UBE3C: variants seen among roughly 807,000 people sequenced by gnomAD.
UBE3C encodes the protein ubiquitin-protein ligase E3C.
In UBE3C, 42 loss-of-function variants were observed where a neutral mutation model predicts 129.4. The ratio of observed to expected loss-of-function variants is 0.32; its 90% CI spans 0.25 to 0.42. The LOEUF is 0.42. Among genes scored for constraint, UBE3C ranks in the 10% least tolerant of loss-of-function variants. The pLI is 1.00. For missense variants in UBE3C, 1,049 were observed against 1,319.1 expected (o/e 0.80, Z 3.17); for synonymous variants, 510 against 492.4 (o/e 1.04, Z -0.47).
At chr7:157,184,718 T>C (rs1387117050) in intron 9 of UBE3C, among the ~76,000 whole-genome samples, 1 of 152,104 alleles carries the variant, frequency 6.6e-6, no homozygotes, top group East Asian at 1.9e-4. Flanking sequence ...GTGAAGTAAA[T>C]TTTTAGAATA....
intron 18 of UBE3C, among the ~76,000 whole-genome samples, chr7:157,237,563 G>A (rs1279083784): frequency 1.3e-5 from 2 of 151,972 alleles, no homozygotes; most frequent in African/African-American, 2.4e-5. Context: ...TTCTCATCAC[G>A]CCCAAGCAAT....
chr7:157,177,703 T>G (rs1320106180), intron 5 of UBE3C, among the ~76,000 whole-genome samples: 1 of 152,174 alleles, frequency 6.6e-6, no homozygotes. Flanking sequence ...GCCTGCCCGC[T>G]GGGTCCTCAC....
chr7:157,139,618 T>G (rs560480159), intron 1 of UBE3C, among the ~76,000 whole-genome samples: 1 of 152,242 alleles, frequency 6.6e-6, no homozygotes, highest in South Asian at 2.1e-4. Flanking sequence ...GCCGCGCCCG[T>G]GGGGGCCTTG....
At chr7:157,199,981 G>A (rs994975702) in intron 10 of UBE3C, among the ~76,000 whole-genome samples, 25 of 152,106 alleles carry the variant, frequency 1.6e-4, no homozygotes, top group African/African-American at 5.3e-4. Flanking sequence ...TGCTCTTACT[G>A]GAATGAATGC....
intron 19 of UBE3C, among the ~76,000 whole-genome samples, chr7:157,252,311 A>T (rs1796639783): frequency 6.6e-6 from 1 of 152,212 alleles, no homozygotes; most frequent in Admixed American, 6.5e-5. Context: ...GGTATTTTAT[A>T]CATTGAAATA....
chr7:157,198,542 T>TTATTTTTTTC (rs1809188436), intron 10 of UBE3C: 1 of 316,240 alleles, frequency 3.2e-6, no homozygotes, highest in Non-Finnish European at 6.0e-6. Flanking sequence ...CTTTTTTTTT[T>TTATTTTTTTC]TATTTTTTTC....
chr7:157,266,303 G>A (rs1267431755), intron 22 of UBE3C, among the ~76,000 whole-genome samples: 1 of 151,956 alleles, frequency 6.6e-6, no homozygotes. Context: ...GACAGAGCAA[G>A]ACTCCGTCTC....
intron 11 of UBE3C, 33 bp from the exon 12 acceptor site, chr7:157,207,365 G>A (rs1359882968): frequency 6.3e-7 from 1 of 1,587,666 alleles, no homozygotes; most frequent in African/African-American, 1.4e-5. Flanking sequence ...ATTTTAAAGT[G>A]ACTGGTTTTT....
chr7:157,190,356 CA>C lies in UBE3C; in HGVS notation c.1331+3336del, dbSNP rs142983545. ...TCCCTGTTTTGGTGAACAGGCCCGT[CA>C]TCTACTTGGTTGTCTGTACCTGCAG... On this transcript the variant is annotated intron_variant, in intron 10 of 22. Transcript: ENST00000348165. Among the ~76,000 whole-genome samples the C allele has an allele frequency of 6.2e-3, 940 of 152,178 alleles. 12 individuals are homozygous for C. The highest frequency in any genetic ancestry group is 0.021 in the African/African-American group (855 of 41,506).
At chr7:157,258,765 A>G (rs987693877) in intron 22 of UBE3C, among the ~76,000 whole-genome samples, 6 of 152,306 alleles carry the variant, frequency 3.9e-5, no homozygotes, top group Non-Finnish European at 8.8e-5. Context: ...CGGCCCCCCA[A>G]GTATTTTTTT....
chr7:157,231,858 G>A (rs953963313), intron 18 of UBE3C: 2 of 153,640 alleles, frequency 1.3e-5, no homozygotes, highest in African/African-American at 4.8e-5. Flanking sequence ...AAGACAGTAA[G>A]TTACTGCCTA....
intron 10 of UBE3C, among the ~76,000 whole-genome samples, chr7:157,194,584 C>T (rs550031221): frequency 2.0e-5 from 3 of 152,150 alleles, no homozygotes; most frequent in Non-Finnish European, 4.4e-5. Context: ...GCCAAATTGC[C>T]TTAAACAGAC....
rs979230862 is a variant in UBE3C, at chr7:157,256,835, GT to G, written c.2951-78del. 432 of 1,552,692 alleles carry G rather than the reference GT, an allele frequency of 2.8e-4. 3 individuals are homozygous for G. Among genetic ancestry groups the G allele is most frequent in the Admixed American group, 1.0e-3 (50 of 49,260 alleles). ...GATCCATGGACTTTAGTTTCCGTGGGTGTCTGGACCAATCCCTGTGGGTCCT... is the reference window on the plus strand; with the variant it reads ...GATCCATGGACTTTAGTTTCCGTGGGGTCTGGACCAATCCCTGTGGGTCCT... On this transcript the variant is annotated intron_variant, in intron 21 of 22. Coordinates refer to ENST00000348165, the MANE Select transcript of UBE3C (RefSeq NM_014671.3).
Position 157,256,918 on chromosome 7 carries a change from C to A in UBE3C, c.2955C>A (p.Gly985=). The A allele has an allele frequency of 6.2e-7, 1 of 1,613,930 alleles. No homozygotes were observed. The highest frequency in any genetic ancestry group is 8.5e-7 in the Non-Finnish European group (1 of 1,179,946). The change falls in exon 22 of 23, where the codon GGC becomes GGA. Residue 985 remains glycine (G), a synonymous_variant. Transcript: ENST00000348165. ...DLKSFTNYSG[G]YSADHPVIKV... ...CATGTGTTCATTTTGCCATAGGAGG[C>A]TATTCTGCAGACCATCCTGTTATTA...
intron 10 of UBE3C, among the ~76,000 whole-genome samples, chr7:157,200,798 T>C (rs1214047088): frequency 6.6e-6 from 1 of 152,044 alleles, no homozygotes; most frequent in East Asian, 1.9e-4. Context: ...CAACTTTTCA[T>C]AGAGATGAGG....
At chr7:157,200,971 T>C (rs1414120957) in intron 10 of UBE3C, among the ~76,000 whole-genome samples, 2 of 152,148 alleles carry the variant, frequency 1.3e-5, no homozygotes, top group Non-Finnish European at 2.9e-5. Context: ...TAACAGCACA[T>C]TTTTTGTATT....
chr7:157,179,248 T>C (rs1808606521), intron 6 of UBE3C, among the ~76,000 whole-genome samples: 1 of 151,916 alleles, frequency 6.6e-6, no homozygotes, highest in African/African-American at 2.4e-5. Flanking sequence ...AATGTATGAG[T>C]TGAACATCAC....
chr7:157,265,753 T>C (rs1797060127), intron 22 of UBE3C, among the ~76,000 whole-genome samples: 1 of 152,218 alleles, frequency 6.6e-6, no homozygotes, highest in African/African-American at 2.4e-5. Flanking sequence ...GTGCATTTCA[T>C]CTCTGGGAGC....
At chr7:157,163,985 G>C in intron 2 of UBE3C, 122 bp downstream of exon 2, 1 of 893,960 alleles carries the variant, frequency 1.1e-6, no homozygotes, top group Non-Finnish European at 1.7e-6. Flanking sequence ...GAATGTGTGT[G>C]TATGTGTGTT....
Sources: gnomAD v4.1 joint callset for allele counts (sites outside exome capture counted in the v4.1 genomes callset) on GRCh38, gnomAD v4.1.1 for gene constraint, MANE v1.5 for transcripts, NCBI Gene and HGNC (gene_info 2026-07-23, HGNC 2026-07-21) for gene names.